Variants in SPATS2 observed in about 807,000 individuals in gnomAD.
SPATS2 encodes the protein spermatogenesis associated serine rich 2.
A neutral mutation model predicts 63.7 loss-of-function variants in SPATS2; 38 were observed. That is an observed-to-expected ratio of 0.60 (90% CI 0.46 to 0.78). The LOEUF (loss-of-function observed/expected upper bound fraction) is 0.78. Ranked by LOEUF, SPATS2 falls within the 30% of genes least tolerant of loss-of-function variation. The probability of loss-of-function intolerance (pLI) is 0.00; values close to 1 mark genes in which losing one functional copy is unlikely to be tolerated. For synonymous variants in SPATS2, 207 were observed against 232.9 expected (o/e 0.89, Z 1.01); for missense variants, 588 against 666.2 (o/e 0.88, Z 1.29).
At chr12:49,504,258 G>A (rs994822418) in intron 9 of SPATS2, among the ~76,000 whole-genome samples, 4 of 152,156 alleles carry the variant, frequency 2.6e-5, no homozygotes, top group Admixed American at 1.3e-4. Context: ...CTTTGATGCC[G>A]AACAAAAACT....
intron 3 of SPATS2, among the ~76,000 whole-genome samples, chr12:49,468,901 T>C (rs2137735507): frequency 6.6e-6 from 1 of 152,318 alleles, no homozygotes; most frequent in East Asian, 1.9e-4. Context: ...TCTTTCTTCT[T>C]TTATAAGTTC....
intron 2 of SPATS2, chr12:49,389,744 CAG>C: frequency 3.3e-6 from 5 of 1,527,116 alleles, no homozygotes; most frequent in Non-Finnish European, 4.5e-6. Flanking sequence ...ACAGACAAAT[CAG>C]AGAATTGCAA....
chr12:49,436,297 T>C (rs868350812), intron 2 of SPATS2, among the ~76,000 whole-genome samples: 158 of 99,762 alleles, frequency 1.6e-3, no homozygotes, highest in Middle Eastern at 9.1e-3. Context: ...CCCTCCCGGA[T>C]GGGGCGGCTG....
intron 2 of SPATS2, chr12:49,389,388 T>C: frequency 1.8e-6 from 1 of 556,674 alleles, no homozygotes. Flanking sequence ...GTCTGCTAAC[T>C]GAGGAGGCAG....
At chr12:49,420,803 A>G (rs897758637) in intron 2 of SPATS2, among the ~76,000 whole-genome samples, 1 of 152,076 alleles carries the variant, frequency 6.6e-6, no homozygotes. Flanking sequence ...ACTTGAGGCC[A>G]GGGGTTCAGG....
At chr12:49,452,276 C>T (rs555930988) in intron 2 of SPATS2, among the ~76,000 whole-genome samples, 6 of 152,230 alleles carry the variant, frequency 3.9e-5, no homozygotes, top group Non-Finnish European at 5.9e-5. Flanking sequence ...GACTGTTTTA[C>T]TTTTTAAAAA....
chr12:49,488,607 G>A (rs188721226), intron 4 of SPATS2, among the ~76,000 whole-genome samples: 4 of 152,006 alleles, frequency 2.6e-5, no homozygotes, highest in East Asian at 1.9e-4. Flanking sequence ...GCAGTGAGCC[G>A]AGATCACACC....
At chr12:49,368,429 A>C (rs1039343608) in intron 1 of SPATS2, among the ~76,000 whole-genome samples, 6 of 152,200 alleles carry the variant, frequency 3.9e-5, no homozygotes, top group African/African-American at 1.4e-4. Context: ...GGTCAGTGAT[A>C]ATGCAGATTT....
At chr12:49,460,292 A>G (rs1339868552) in intron 2 of SPATS2, among the ~76,000 whole-genome samples, 1 of 152,060 alleles carries the variant, frequency 6.6e-6, no homozygotes, top group East Asian at 1.9e-4. Flanking sequence ...CATCTCTACT[A>G]AAAATACAAA....
At chr12:49,384,945 G>T (rs1446852963) in intron 2 of SPATS2, among the ~76,000 whole-genome samples, 5 of 152,074 alleles carry the variant, frequency 3.3e-5, no homozygotes, top group Non-Finnish European at 5.9e-5. Context: ...GAGTAGCTGG[G>T]ATTACAGGTG....
chr12:49,460,890 A>G lies in SPATS2; in HGVS notation c.-123A>G. The G allele has an allele frequency of 9.8e-7, 1 of 1,019,364 alleles. No individual in the cohort carries two copies. 63.1% of individuals were successfully genotyped at this position (1,019,364 alleles called of 1,614,324 possible). A position where few individuals can be genotyped will look rare whatever the true frequency, so the allele number is the denominator to read the frequency against. ...AGAATTTCGAACAGCAGGATTTCGT[A>G]TTTTTTGCTTCCAACTGCACACTTC... On this transcript the variant is annotated 5_prime_UTR_variant, in exon 3 of 14. Transcript: ENST00000552918.
intron 9 of SPATS2, among the ~76,000 whole-genome samples, chr12:49,512,290 A>T (rs187102112): frequency 6.6e-6 from 1 of 152,354 alleles, no homozygotes; most frequent in African/African-American, 2.4e-5. Context: ...TGTTATCAAT[A>T]GATGGCAACA....
chr12:49,389,783 C>G (rs1393967310), intron 2 of SPATS2: 2 of 1,182,300 alleles, frequency 1.7e-6, no homozygotes, highest in Non-Finnish European at 2.5e-6. Context: ...TGCGTACATC[C>G]CTGGAAGAAC....
At chr12:49,456,620 G>T (rs1018670748) in intron 2 of SPATS2, among the ~76,000 whole-genome samples, 6 of 152,198 alleles carry the variant, frequency 3.9e-5, no homozygotes, top group Admixed American at 1.3e-4. Context: ...GAAGACTCAG[G>T]ATGAGAGATT....
intron 3 of SPATS2, among the ~76,000 whole-genome samples, chr12:49,484,146 G>A (rs1946251158): frequency 6.6e-6 from 1 of 152,194 alleles, no homozygotes; most frequent in African/African-American, 2.4e-5. Flanking sequence ...CGGGTTTATA[G>A]TCTACAAACA....
chr12:49,485,927 T>A (rs1946284748), intron 4 of SPATS2, among the ~76,000 whole-genome samples: 1 of 147,156 alleles, frequency 6.8e-6, no homozygotes. Context: ...GCCTGGCTAA[T>A]TTTTATATTT....
intron 9 of SPATS2, among the ~76,000 whole-genome samples, chr12:49,504,770 C>CTTTCTTTTTTTTT (rs1220484266): frequency 7.1e-5 from 7 of 98,862 alleles, no homozygotes; most frequent in African/African-American, 1.1e-4. Context: ...TTCTTTCTTT[C>CTTTCTTTTTTTTT]TTTTTTTTTT....
intron 10 of SPATS2, among the ~76,000 whole-genome samples, chr12:49,515,034 T>G (rs963816530): frequency 1.3e-5 from 2 of 152,188 alleles, no homozygotes; most frequent in African/African-American, 4.8e-5. Context: ...CTCAGAACTT[T>G]CTTTGTTTTC....
intron 3 of SPATS2, among the ~76,000 whole-genome samples, chr12:49,478,043 T>G (rs542782624): frequency 1.3e-5 from 2 of 148,592 alleles, no homozygotes; most frequent in Non-Finnish European, 3.0e-5. Flanking sequence ...GGCATGCTCA[T>G]AGCTCCCTGC....
Sources: gnomAD v4.1 joint callset for allele counts (sites outside exome capture counted in the v4.1 genomes callset) on GRCh38, gnomAD v4.1.1 for gene constraint, MANE v1.5 for transcripts, NCBI Gene and HGNC (gene_info 2026-07-23, HGNC 2026-07-21) for gene names.